Variants in C12orf42 observed in about 807,000 individuals in gnomAD.
The protein encoded by C12orf42 is uncharacterized protein C12orf42.
Under a neutral mutation model 21.6 loss-of-function variants are expected in C12orf42, and 25 were observed. The observed-to-expected ratio is 1.16, with a 90% confidence interval of 0.84 to 1.62. The LOEUF is 1.62. C12orf42 is among the 40% of genes most tolerant of loss of function. The pLI, the probability that C12orf42 is intolerant of heterozygous loss-of-function variation, is 0.00. For missense variants in C12orf42, 483 were observed against 459.3 expected (o/e 1.05, Z -0.47); for synonymous variants, 174 against 175.0 (o/e 0.99, Z 0.05).
chr12:103,295,865 A>AT (rs934594327), intron 4 of C12orf42, among the ~76,000 whole-genome samples: 2 of 151,612 alleles, frequency 1.3e-5, no homozygotes, highest in Admixed American at 6.6e-5. Context: ...ATTTTTTTAA[A>AT]TTTTTTTTTA....
chr12:103,236,832 C>T (rs1368250229), downstream of C12orf42, among the ~76,000 whole-genome samples: 1 of 152,140 alleles, frequency 6.6e-6, no homozygotes, highest in Non-Finnish European at 1.5e-5. Flanking sequence ...ATCACCATTT[C>T]ATGAGGTTTA....
chr12:103,521,477 C>T, the C12orf42 span, among the ~76,000 whole-genome samples: 1 of 152,102 alleles, frequency 6.6e-6, no homozygotes, highest in South Asian at 2.1e-4. Context: ...GGGAGCTGAA[C>T]AAGGAGAATA....
At chr12:103,172,113 T>C in the C12orf42 span, among the ~76,000 whole-genome samples, 1 of 152,216 alleles carries the variant, frequency 6.6e-6, no homozygotes, top group East Asian at 1.9e-4. Flanking sequence ...CATTCCTTCA[T>C]TCATTTCTCA....
At chr12:103,492,474 C>T (rs1955246082) in intron 1 of C12orf42, among the ~76,000 whole-genome samples, 1 of 152,206 alleles carries the variant, frequency 6.6e-6, no homozygotes, top group African/African-American at 2.4e-5. Context: ...TTTCTGCTAG[C>T]TTCTTTAACC....
At chr12:103,074,511 C>T in the C12orf42 span, among the ~76,000 whole-genome samples, 1 of 151,984 alleles carries the variant, frequency 6.6e-6, no homozygotes, top group Non-Finnish European at 1.5e-5. Flanking sequence ...AAACCTTACC[C>T]CTGTCATTGT....
chr12:103,438,059 A>T (rs1299392293), intron 2 of C12orf42, among the ~76,000 whole-genome samples: 8 of 150,678 alleles, frequency 5.3e-5, no homozygotes, highest in South Asian at 2.2e-4. Context: ...TTATCCACCA[A>T]GATCAAGCGG....
chr12:103,461,400 C>G (rs1490627188), intron 2 of C12orf42, among the ~76,000 whole-genome samples: 1 of 152,004 alleles, frequency 6.6e-6, no homozygotes, highest in Non-Finnish European at 1.5e-5. Flanking sequence ...AAATTAAAGT[C>G]AGGAAATGTT....
intron 4 of C12orf42, among the ~76,000 whole-genome samples, chr12:103,335,440 G>A (rs1395955453): frequency 6.6e-6 from 1 of 151,658 alleles, no homozygotes; most frequent in Admixed American, 6.5e-5. Flanking sequence ...GCTCTCAAGA[G>A]GGAAAGATTT....
intron 2 of C12orf42, among the ~76,000 whole-genome samples, chr12:103,463,495 TA>T (rs1159402858): frequency 1.3e-5 from 2 of 152,208 alleles, no homozygotes; most frequent in African/African-American, 4.8e-5. Context: ...ATGAAAACTG[TA>T]TTTCCAAATG....
At chr12:103,541,252 A>G in the C12orf42 span, among the ~76,000 whole-genome samples, 2 of 152,284 alleles carry the variant, frequency 1.3e-5, no homozygotes, top group African/African-American at 2.4e-5. Flanking sequence ...AGAAGTTACA[A>G]TCACTATTTC....
intron 2 of C12orf42, among the ~76,000 whole-genome samples, chr12:103,430,637 C>A (rs1057056309): frequency 1.3e-5 from 2 of 152,184 alleles, no homozygotes; most frequent in African/African-American, 4.8e-5. Flanking sequence ...GATCATAAAT[C>A]GTTCTACTAT....
chr12:103,427,225 A>G (rs1036241663), intron 2 of C12orf42, among the ~76,000 whole-genome samples: 2 of 152,022 alleles, frequency 1.3e-5, no homozygotes, highest in Middle Eastern at 3.4e-3. Context: ...CTCACATGCA[A>G]AGACACACAT....
intron 2 of C12orf42, among the ~76,000 whole-genome samples, chr12:103,448,430 A>G (rs1301290133): frequency 6.6e-6 from 1 of 152,004 alleles, no homozygotes; most frequent in African/African-American, 2.4e-5. Flanking sequence ...AACAAAAACA[A>G]AGATAAATAC....
the C12orf42 span, among the ~76,000 whole-genome samples, chr12:103,145,076 T>A: frequency 2.6e-5 from 4 of 152,180 alleles, no homozygotes; most frequent in Non-Finnish European, 5.9e-5. Flanking sequence ...AATGAGGGAT[T>A]ATCTAGAAAA....
At chr12:103,506,835 TTATATATATATATATTTATATATTA>T in the C12orf42 span, among the ~76,000 whole-genome samples, 1 of 69,816 alleles carries the variant, frequency 1.4e-5, no homozygotes, top group African/African-American at 6.8e-5. Flanking sequence ...TATTTATATA[TTATATATATATATATTTATATATTA>T]TATATATATA....
At chr12:103,194,792 A>G in the C12orf42 span, among the ~76,000 whole-genome samples, 1 of 152,020 alleles carries the variant, frequency 6.6e-6, no homozygotes, top group African/African-American at 2.4e-5. Context: ...TTCCAAAAGC[A>G]TTTTTTCCAA....
the C12orf42 span, among the ~76,000 whole-genome samples, chr12:103,076,263 C>T: frequency 6.7e-6 from 1 of 150,078 alleles, no homozygotes; most frequent in African/African-American, 2.4e-5. Flanking sequence ...AATCAACATG[C>T]TTAAAATATG....
intron 1 of C12orf42, among the ~76,000 whole-genome samples, chr12:103,486,165 G>C (rs910522140): frequency 1.3e-5 from 2 of 152,182 alleles, no homozygotes; most frequent in African/African-American, 2.4e-5. Flanking sequence ...CTAGTTTATT[G>C]AGAGTTTTTA....
chr12:103,210,712 A>G, the C12orf42 span, among the ~76,000 whole-genome samples: 1 of 143,744 alleles, frequency 7.0e-6, no homozygotes, highest in East Asian at 2.1e-4. Flanking sequence ...GCTCATGATC[A>G]ATAAAACATA....
Sources: gnomAD v4.1 joint callset for allele counts (sites outside exome capture counted in the v4.1 genomes callset) on GRCh38, gnomAD v4.1.1 for gene constraint, MANE v1.5 for transcripts, NCBI Gene and HGNC (gene_info 2026-07-23, HGNC 2026-07-21) for gene names.